GATAD2A: variants seen among roughly 807,000 people sequenced by gnomAD.
GATAD2A encodes the protein GATA zinc finger domain containing 2A.
GATAD2A carries 12 observed loss-of-function variants against 68.5 expected under a neutral mutation model. The observed-to-expected ratio is 0.18, with a 90% CI of 0.11 to 0.28. The LOEUF is 0.28. Among genes scored for constraint, GATAD2A ranks in the 10% least tolerant of loss-of-function variants. The pLI, the probability that GATAD2A is intolerant of heterozygous loss-of-function variation, is 1.00. For synonymous variants in GATAD2A, 410 were observed against 375.3 expected (o/e 1.09, Z -1.07); for missense variants, 755 against 868.5 (o/e 0.87, Z 1.64).
chr19:19,452,723 G>A (rs1448255870), intron 1 of GATAD2A, among the ~76,000 whole-genome samples: 6 of 152,092 alleles, frequency 3.9e-5, no homozygotes, highest in Non-Finnish European at 5.9e-5. Flanking sequence ...TGTACCACAC[G>A]CAGACCTTTA....
intron 2 of GATAD2A, 105 bp downstream of exon 2, chr19:19,465,719 G>T (rs915093737): frequency 7.4e-7 from 1 of 1,354,658 alleles, no homozygotes; most frequent in African/African-American, 1.4e-5. Flanking sequence ...AGCTTGGCGG[G>T]GTTGTGGAGA....
intron 1 of GATAD2A, among the ~76,000 whole-genome samples, chr19:19,393,974 C>T: frequency 6.6e-6 from 1 of 152,078 alleles, no homozygotes; most frequent in East Asian, 1.9e-4. Context: ...GCAACCTCCA[C>T]CTCCTGGGTT....
upstream of GATAD2A, among the ~76,000 whole-genome samples, chr19:19,405,509 A>G (rs1402738717): frequency 6.6e-6 from 1 of 151,954 alleles, no homozygotes; most frequent in Non-Finnish European, 1.5e-5. Context: ...CGCGTGGGAA[A>G]CCAGCGCGCC....
chr19:19,451,241 T>A (rs1404796138), intron 1 of GATAD2A, among the ~76,000 whole-genome samples: 1 of 150,608 alleles, frequency 6.6e-6, no homozygotes, highest in Non-Finnish European at 1.5e-5. Context: ...ATTAGCCGTT[T>A]GTGGTGGTGC....
intron 2 of GATAD2A, among the ~76,000 whole-genome samples, chr19:19,483,172 A>G (rs1446641215): frequency 3.3e-5 from 5 of 152,144 alleles, no homozygotes; most frequent in Non-Finnish European, 7.4e-5. Flanking sequence ...TCCCTTCTGT[A>G]CTGGGGAAAG....
intron 1 of GATAD2A, among the ~76,000 whole-genome samples, chr19:19,441,187 C>T (rs1326274771): frequency 1.3e-5 from 2 of 152,016 alleles, no homozygotes; most frequent in African/African-American, 2.4e-5. Flanking sequence ...GGATTACAGG[C>T]GCCCGCCACC....
chr19:19,474,244 C>CA, intron 2 of GATAD2A: 2 of 756,234 alleles, frequency 2.6e-6, no homozygotes, highest in Non-Finnish European at 3.2e-6. Context: ...GAATTGCCCC[C>CA]AACCCCGACA....
At chr19:19,470,147 T>TA (rs1344007534) in intron 2 of GATAD2A, among the ~76,000 whole-genome samples, 9 of 136,024 alleles carry the variant, frequency 6.6e-5, no homozygotes, top group African/African-American at 1.1e-4. Flanking sequence ...GACTTTATTT[T>TA]TTTTTTTGTT....
At chr19:19,467,481 C>T (rs2148044688) in intron 2 of GATAD2A, among the ~76,000 whole-genome samples, 1 of 152,224 alleles carries the variant, frequency 6.6e-6, no homozygotes, top group East Asian at 1.9e-4. Context: ...TTAGTTTTTC[C>T]TGCTTTGGTA....
At chr19:19,452,544 C>G (rs567340116) in intron 1 of GATAD2A, among the ~76,000 whole-genome samples, 1 of 151,912 alleles carries the variant, frequency 6.6e-6, no homozygotes, top group Middle Eastern at 3.2e-3. Flanking sequence ...TCCAGGGAGC[C>G]CCAGTGTGAG....
chr19:19,389,614 G>A (rs2048701441), intron 1 of GATAD2A, among the ~76,000 whole-genome samples: 1 of 152,194 alleles, frequency 6.6e-6, no homozygotes, highest in Non-Finnish European at 1.5e-5. Context: ...GGAGGCTGCT[G>A]CAGACTTGGT....
chr19:19,411,748 G>A (rs2965188), intron 1 of GATAD2A, among the ~76,000 whole-genome samples: 65,541 of 152,028 alleles, frequency 0.43, 15,534 homozygotes, highest in African/African-American at 0.63. Context: ...AGTGTCTACA[G>A]GCAGTCAGGG....
At chr19:19,393,329 C>T (rs1481141947) in intron 1 of GATAD2A, among the ~76,000 whole-genome samples, 2 of 151,998 alleles carry the variant, frequency 1.3e-5, no homozygotes, top group Non-Finnish European at 2.9e-5. Context: ...TTATAAGGGA[C>T]AAGTGAACAC....
chr19:19,477,918 C>T (rs930850360), intron 2 of GATAD2A, among the ~76,000 whole-genome samples: 3 of 152,294 alleles, frequency 2.0e-5, no homozygotes, highest in East Asian at 3.9e-4. Flanking sequence ...AGCCATAGGG[C>T]GTCGCCCGCT....
At position 19,458,261 on chromosome 19, in the gene GATAD2A, C is replaced by T. The variant is rs895547794; in HGVS notation, c.-6-7079C>T. Among the ~76,000 whole-genome samples the T allele has an allele frequency of 7.2e-5, 11 of 152,320 alleles. No homozygotes were observed. The South Asian group carries it at 8.3e-4, about 11-fold the overall frequency. On this transcript the variant is annotated intron_variant, in intron 1 of 11. Transcript: ENST00000683918. ...AAACCCTCCCTGCTCAGCTGCTTGG[C>T]GCATGCTGTTCCCCTGCCTGGAACG...
At chr19:19,411,918 C>T (rs1384422998) in intron 1 of GATAD2A, among the ~76,000 whole-genome samples, 1 of 152,160 alleles carries the variant, frequency 6.6e-6, no homozygotes, top group African/African-American at 2.4e-5. Context: ...CAGAATCCTA[C>T]TGCAAGCTAA....
At position 19,479,351 on chromosome 19, in the gene GATAD2A, C is replaced by T. The variant is rs554192363; in HGVS notation, c.270-12955C>T. Among the ~76,000 whole-genome samples the T allele has an allele frequency of 9.0e-4, 137 of 152,328 alleles. 1 individual carries two copies. Among genetic ancestry groups the T allele is most frequent in the African/African-American group, 2.9e-3 (119 of 41,576 alleles). On this transcript the variant is annotated intron_variant, in intron 2 of 11. Coordinates refer to ENST00000683918, the MANE Select transcript of GATAD2A (RefSeq NM_001384528.1). ...TCCCAGTCTCCACATTGTTAACAGA[C>T]TACAGAACATGTGTCACAAGTAGTG...
intron 1 of GATAD2A, among the ~76,000 whole-genome samples, chr19:19,428,359 T>C (rs780011379): frequency 1.1e-4 from 17 of 152,290 alleles, no homozygotes; most frequent in Non-Finnish European, 2.2e-4. Flanking sequence ...AGCATCCAGA[T>C]AGAGGTAGCA....
intron 1 of GATAD2A, among the ~76,000 whole-genome samples, chr19:19,456,526 A>T (rs1230584369): frequency 2.0e-5 from 3 of 152,284 alleles, no homozygotes; most frequent in Admixed American, 6.5e-5. Flanking sequence ...TACGTCATAG[A>T]TGAAGTTTTG....
Sources: gnomAD v4.1 joint callset for allele counts (sites outside exome capture counted in the v4.1 genomes callset) on GRCh38, gnomAD v4.1.1 for gene constraint, MANE v1.5 for transcripts, NCBI Gene and HGNC (gene_info 2026-07-23, HGNC 2026-07-21) for gene names.